Variants in AOAH observed in about 807,000 individuals in gnomAD.
The protein encoded by AOAH is acyloxyacyl hydrolase (neutrophil).
AOAH carries 64 observed loss-of-function variants against 92.2 expected under a neutral mutation model. The observed-to-expected ratio is 0.69, with a 90% CI of 0.57 to 0.86. The LOEUF (loss-of-function observed/expected upper bound fraction) is 0.86, where lower values mean the gene tolerates loss of function less well. AOAH is among the 40% of genes least tolerant of loss of function. AOAH has a pLI of 0.00. For missense variants in AOAH, 656 were observed against 694.6 expected, an observed-to-expected ratio of 0.94 and a Z score of 0.62; for synonymous variants, 263 against 254.5, an observed-to-expected ratio of 1.03 and a Z score of -0.32.
At chr7:36,532,074 C>A in intron 18 of AOAH, 73 bp downstream of exon 18, 1 of 1,551,148 alleles carries the variant, frequency 6.4e-7, no homozygotes, top group South Asian at 1.1e-5. Context: ...ATCCCATCCC[C>A]AGTGAAAACT....
At chr7:36,674,910 A>C (rs1796144627) in intron 2 of AOAH, among the ~76,000 whole-genome samples, 1 of 152,272 alleles carries the variant, frequency 6.6e-6, no homozygotes, top group Non-Finnish European at 1.5e-5. Flanking sequence ...TTTTTGTATT[A>C]AAATAGATCT....
intron 6 of AOAH, among the ~76,000 whole-genome samples, chr7:36,629,107 A>T (rs1454874030): frequency 6.6e-6 from 1 of 152,248 alleles, no homozygotes; most frequent in Non-Finnish European, 1.5e-5. Context: ...GATGGCTTTG[A>T]AGAATACATG....
At position 36,637,672 on chromosome 7, in the gene AOAH, G is replaced by T. The variant is rs564963187; in HGVS notation, c.450+179C>A. Among the ~76,000 whole-genome samples the T allele has an allele frequency of 4.6e-5, 7 of 152,294 alleles. No individual in the cohort carries two copies. In the South Asian group the frequency reaches 1.4e-3, roughly 32 times the overall value. On this transcript the variant is annotated intron_variant, in intron 5 of 20. Transcript: ENST00000617537. ...GCTGAGGCTGAAAAACCACACTGTAGTGAGAAGGCAGGAAACACAAGTGGA... is the reference window on the plus strand; with the variant it reads ...GCTGAGGCTGAAAAACCACACTGTATTGAGAAGGCAGGAAACACAAGTGGA...
At chr7:36,515,862 G>A (rs372076403) in intron 20 of AOAH, among the ~76,000 whole-genome samples, 3 of 53,652 alleles carry the variant, frequency 5.6e-5, no homozygotes, top group South Asian at 6.8e-4. Context: ...CCCACATACA[G>A]AAACACCACA....
Position 36,516,539 on chromosome 7 carries a change from C to G in AOAH, c.1600-3159G>C, listed in dbSNP as rs147479742. 7.9e-5 allele frequency among the ~76,000 whole-genome samples: 12 copies of G among 152,172 alleles called. 1 individual carries two copies. The highest frequency in any genetic ancestry group is 6.8e-3 in the Middle Eastern group (2 of 294). ...ACATATACTTCTTTGCACTTAAAAG[C>G]AGGAGCATGTCAAAGGCTGCCTGCG... is the stretch of plus-strand genomic sequence containing the variant. On this transcript the variant is annotated intron_variant, in intron 20 of 20. Transcript: ENST00000617537. This position sits in a 1 kb window ranked among gnomAD's most constrained non-coding sequence, Gnocchi z 5.0.
At chr7:36,639,658 G>A (rs896849944) in intron 4 of AOAH, among the ~76,000 whole-genome samples, 1 of 152,154 alleles carries the variant, frequency 6.6e-6, no homozygotes, top group South Asian at 2.1e-4. Context: ...TTTAAACAAT[G>A]AATACCAATT....
chr7:36,661,532 C>A (rs1584057347), intron 3 of AOAH, among the ~76,000 whole-genome samples: 1 of 152,246 alleles, frequency 6.6e-6, no homozygotes, highest in African/African-American at 2.4e-5. Flanking sequence ...ATCTGTGTGC[C>A]CTAGGTTCTT....
At chr7:36,654,618 C>T (rs1473354275) in intron 4 of AOAH, among the ~76,000 whole-genome samples, 19 of 152,170 alleles carry the variant, frequency 1.2e-4, no homozygotes, top group Non-Finnish European at 2.6e-4. Flanking sequence ...CATCCATCCT[C>T]TCCATCCCTG....
rs201652115 is a variant in AOAH, at chr7:36,522,131, C to T, written c.1523-16G>A. ...TCCTGTATGACTGCAGGGCACATAACGAGAGGGTTACAGACACACTTGCAC... is the reference window on the plus strand; with the variant it reads ...TCCTGTATGACTGCAGGGCACATAATGAGAGGGTTACAGACACACTTGCAC... On this transcript the variant is annotated splice_polypyrimidine_tract_variant and intron_variant, in intron 19 of 20. Transcript: ENST00000617537. 6.3e-5 allele frequency: 101 copies of T among 1,613,384 alleles called. No homozygotes were observed. Among genetic ancestry groups the T allele is most frequent in the Non-Finnish European group, 8.2e-5 (97 of 1,179,506 alleles).
At chr7:36,514,796 T>A (rs1164850016) in intron 20 of AOAH, 1 of 507,418 alleles carries the variant, frequency 2.0e-6, no homozygotes, top group African/African-American at 1.9e-5. Flanking sequence ...CCCTTCCTAA[T>A]AGGCAGCGTA....
intron 12 of AOAH, among the ~76,000 whole-genome samples, chr7:36,577,406 T>C (rs577775780): frequency 1.7e-4 from 26 of 152,244 alleles, no homozygotes; most frequent in Admixed American, 3.9e-4. Flanking sequence ...GGCAGAGGGG[T>C]GAGCTGGAAG....
intron 15 of AOAH, among the ~76,000 whole-genome samples, chr7:36,547,642 G>A (rs1204251273): frequency 6.6e-6 from 1 of 152,042 alleles, no homozygotes; most frequent in Non-Finnish European, 1.5e-5. Context: ...TTGCTACTGG[G>A]GAGTTGCTCT....
intron 1 of AOAH, among the ~76,000 whole-genome samples, chr7:36,695,149 A>G (rs978041361): frequency 7.2e-5 from 11 of 152,214 alleles, no homozygotes; most frequent in Non-Finnish European, 1.3e-4. Context: ...AAAGCCCACA[A>G]ATGTATACCT....
rs151092687 is a variant in AOAH, at chr7:36,673,786, G to A, written c.290+157C>T. Among the ~76,000 whole-genome samples, 213 of 152,228 alleles carry A rather than the reference G, an allele frequency of 1.4e-3. 5 individuals are homozygous for A. The East Asian group carries it at 0.03, about 22-fold the overall frequency. On this transcript the variant is annotated intron_variant, in intron 3 of 20. Coordinates refer to ENST00000617537, the MANE Select transcript of AOAH (RefSeq NM_001637.4). ...GTAGAGTGACGAAGGATCCAAATTA[G>A]GTTCCAATTTTCCACTATTACTAAG...
chr7:36,652,208 A>G (rs554253052), intron 4 of AOAH, among the ~76,000 whole-genome samples: 1 of 152,328 alleles, frequency 6.6e-6, no homozygotes, highest in South Asian at 2.1e-4. Flanking sequence ...AAAAAAAAAT[A>G]GGACAGAGGC....
At chr7:36,654,853 G>A (rs73344009) in intron 4 of AOAH, among the ~76,000 whole-genome samples, 1 of 152,144 alleles carries the variant, frequency 6.6e-6, no homozygotes, top group Admixed American at 6.5e-5. Context: ...ACAGACCCTA[G>A]ATAAATCCTC....
chr7:36,615,328 G>A (rs1359405895), intron 11 of AOAH, among the ~76,000 whole-genome samples: 1 of 152,156 alleles, frequency 6.6e-6, no homozygotes, highest in East Asian at 1.9e-4. Context: ...AAAATACCAT[G>A]ACATATTGAG....
At position 36,604,443 on chromosome 7, in the gene AOAH, CT is replaced by C. The variant is rs1274123201; in HGVS notation, c.847-10014del. Among the ~76,000 whole-genome samples, 12 of 152,260 alleles carry C rather than the reference CT, an allele frequency of 7.9e-5. No individual in the cohort carries two copies. The South Asian group carries it at 2.5e-3, about 32-fold the overall frequency. On this transcript the variant is annotated intron_variant, in intron 11 of 20. Transcript: ENST00000617537. ...TATCCACCTTTATCTATTTCTCTGTCTTTAATAATAGAACAGTGATAGTTGG... is the reference window on the plus strand; with the variant it reads ...TATCCACCTTTATCTATTTCTCTGTCTTAATAATAGAACAGTGATAGTTGG...
chr7:36,548,419 C>T (rs1037426516), intron 15 of AOAH, among the ~76,000 whole-genome samples, 193 bp downstream of exon 15: 2 of 152,150 alleles, frequency 1.3e-5, no homozygotes, highest in African/African-American at 4.8e-5. Flanking sequence ...CTCCTGACCT[C>T]AGGTGATCTG....
Sources: allele counts gnomAD v4.1 joint callset (sites outside exome capture counted in the v4.1 genomes callset), GRCh38; gene constraint gnomAD v4.1.1; non-coding constraint Gnocchi (gnomAD v3.1); transcripts MANE v1.5; gene names NCBI Gene and HGNC (gene_info 2026-07-23, HGNC 2026-07-21).